The following HS6ST2 variants were observed in gnomAD, a reference collection of about 807,000 sequenced individuals.
The protein encoded by HS6ST2 is heparan-sulfate 6-O-sulfotransferase 2.
HS6ST2 carries 17 observed loss-of-function variants against 33.0 expected under a neutral mutation model. The ratio of observed to expected loss-of-function variants is 0.52; its 90% CI spans 0.35 to 0.77. HS6ST2 has a LOEUF of 0.77. Ranked by LOEUF, HS6ST2 falls within the 30% of genes least tolerant of loss-of-function variation. The pLI is 0.01. For missense variants in HS6ST2, 519 were observed against 551.7 expected (o/e 0.94, Z 0.59); for synonymous variants, 248 against 237.1 (o/e 1.05, Z -0.42).
chrX:132,923,397 G>C (rs994162903), intron 2 of HS6ST2, among the ~76,000 whole-genome samples: 1 of 111,123 alleles, frequency 9.0e-6, no homozygotes, highest in Admixed American at 9.6e-5. Flanking sequence ...AGATGGTTGG[G>C]GGGTAGGTCT....
At chrX:132,806,234 C>G (rs1452829514) in intron 2 of HS6ST2, among the ~76,000 whole-genome samples, 1 of 110,617 alleles carries the variant, frequency 9.0e-6, no homozygotes, top group South Asian at 3.7e-4. Flanking sequence ...ATTCTCCTAA[C>G]CAATATTGCT....
chrX:132,755,991 T>G (rs1231591977), intron 2 of HS6ST2, among the ~76,000 whole-genome samples: 4 of 111,764 alleles, frequency 3.6e-5, no homozygotes, highest in African/African-American at 1.3e-4. Flanking sequence ...AGTGTCTTCC[T>G]GGGCAATGGA....
intron 2 of HS6ST2, among the ~76,000 whole-genome samples, chrX:132,837,308 G>T (rs777943862): frequency 1.9e-5 from 2 of 105,008 alleles, no homozygotes; most frequent in Non-Finnish European, 3.9e-5. Flanking sequence ...TGGGAAAAAT[G>T]ATTGTCCAGG....
At chrX:132,788,478 T>C (rs779734075) in intron 2 of HS6ST2, among the ~76,000 whole-genome samples, 2 of 111,713 alleles carry the variant, frequency 1.8e-5, no homozygotes, top group East Asian at 5.6e-4. Context: ...CGCTATTTCC[T>C]GAGACACAAC....
chrX:132,931,525 A>G (rs756476484), intron 2 of HS6ST2, among the ~76,000 whole-genome samples: 1 of 111,797 alleles, frequency 8.9e-6, no homozygotes, highest in South Asian at 3.8e-4. Flanking sequence ...AGACCAGAGG[A>G]TACTGACTCC....
chrX:132,656,248 T>A (rs1050749054), intron 4 of HS6ST2, among the ~76,000 whole-genome samples: 23 of 110,851 alleles, frequency 2.1e-4, no homozygotes, highest in Non-Finnish European at 4.2e-4. Flanking sequence ...CTTCTTTTTT[T>A]AAAAAAGCTT....
At chrX:132,922,650 G>A (rs185538281) in intron 2 of HS6ST2, among the ~76,000 whole-genome samples, 47 of 111,869 alleles carry the variant, frequency 4.2e-4, no homozygotes, top group Non-Finnish European at 6.8e-4. Context: ...AGGTGGTCGC[G>A]GTGCAGCTTG....
At chrX:132,953,284 A>G (rs1465168704) in intron 2 of HS6ST2, among the ~76,000 whole-genome samples, 4 of 112,148 alleles carry the variant, frequency 3.6e-5, no homozygotes, top group Non-Finnish European at 7.5e-5. Flanking sequence ...TGGCAGACAG[A>G]TGGATGAAAT....
At chrX:132,662,035 A>G (rs2063778303) in intron 4 of HS6ST2, among the ~76,000 whole-genome samples, 1 of 111,726 alleles carries the variant, frequency 9.0e-6, no homozygotes, top group African/African-American at 3.3e-5. Context: ...TAATTGCAAT[A>G]CTAGTATAAA....
At chrX:132,835,950 A>T (rs763489588) in intron 2 of HS6ST2, among the ~76,000 whole-genome samples, 59 of 111,256 alleles carry the variant, frequency 5.3e-4, no homozygotes, top group Non-Finnish European at 1.0e-3. Context: ...GAAACATTTT[A>T]CTTTCCTGTT....
chrX:132,656,779 A>C (rs1368096092), intron 4 of HS6ST2, among the ~76,000 whole-genome samples: 1 of 112,189 alleles, frequency 8.9e-6, no homozygotes, highest in African/African-American at 3.2e-5. Flanking sequence ...GGAGTCACTC[A>C]GGAAGAGGTA....
chrX:132,673,623 C>G, intron 3 of HS6ST2, among the ~76,000 whole-genome samples: 1 of 111,842 alleles, frequency 8.9e-6, no homozygotes, highest in Non-Finnish European at 1.9e-5. Flanking sequence ...TGTTTCAAGT[C>G]TCTCTGAGGG....
chrX:132,763,948 A>G (rs1406695055), intron 2 of HS6ST2, among the ~76,000 whole-genome samples: 1 of 112,766 alleles, frequency 8.9e-6, no homozygotes, highest in Non-Finnish European at 1.9e-5. Flanking sequence ...GTGAAGCATA[A>G]GCTGTGCAAG....
intron 2 of HS6ST2, among the ~76,000 whole-genome samples, chrX:132,814,459 C>T (rs1340723019): frequency 8.9e-6 from 1 of 112,181 alleles, no homozygotes; most frequent in Non-Finnish European, 1.9e-5. Flanking sequence ...AAAATAGTTA[C>T]CCATACATAT....
chrX:132,757,965 C>T lies in HS6ST2; in HGVS notation c.948-49471G>A, dbSNP rs769645078. ...TCAGAAGGAGACACTAAATCTCCTA[C>T]CGAGTGAATAGGAGGCAAAATTCAT... is the stretch of plus-strand genomic sequence containing the variant. On this transcript the variant is annotated intron_variant, in intron 2 of 4. Transcript: ENST00000370833. Among the ~76,000 whole-genome samples the T allele has an allele frequency of 6.3e-4, 70 of 111,946 alleles. 1 individual carries two copies. The highest frequency in any genetic ancestry group is 9.1e-3 in the Middle Eastern group (2 of 219).
chrX:132,706,599 T>C (rs1018697764), intron 3 of HS6ST2, among the ~76,000 whole-genome samples: 7 of 112,172 alleles, frequency 6.2e-5, no homozygotes, highest in African/African-American at 1.9e-4. Flanking sequence ...TGCAAGTGTG[T>C]AGCAATAATA....
intron 2 of HS6ST2, among the ~76,000 whole-genome samples, chrX:132,866,023 C>T (rs1385817099): frequency 1.8e-5 from 2 of 111,514 alleles, no homozygotes; most frequent in African/African-American, 6.5e-5. Context: ...GTTGCAGTTG[C>T]TTTTGGTGTT....
At chrX:132,879,169 A>G (rs1397833735) in intron 2 of HS6ST2, among the ~76,000 whole-genome samples, 1 of 111,773 alleles carries the variant, frequency 8.9e-6, no homozygotes, top group Non-Finnish European at 1.9e-5. Context: ...CTCCCTAAGC[A>G]GGAGAATAAT....
intron 2 of HS6ST2, among the ~76,000 whole-genome samples, chrX:132,740,340 A>G (rs964846951): frequency 5.4e-5 from 6 of 112,045 alleles, no homozygotes; most frequent in Non-Finnish European, 9.4e-5. Flanking sequence ...AGAACCTACT[A>G]TTCACACTGC....
Sources: allele counts gnomAD v4.1 joint callset (sites outside exome capture counted in the v4.1 genomes callset), GRCh38; gene constraint gnomAD v4.1.1; transcripts MANE v1.5; gene names NCBI Gene and HGNC (gene_info 2026-07-23, HGNC 2026-07-21).